CDC42: variants seen among roughly 807,000 people sequenced by gnomAD.
The protein encoded by CDC42 is cell division cycle 42, also known as cell division control protein 42 homolog.
Under a neutral mutation model 20.8 loss-of-function variants are expected in CDC42, and 1 was observed. The observed-to-expected ratio is 0.05, with a 90% CI of 0.02 to 0.23. CDC42 has a LOEUF of 0.23. Among genes scored for constraint, CDC42 ranks in the 10% least tolerant of loss-of-function variants. The pLI, the probability that CDC42 is intolerant of heterozygous loss-of-function variation, is 1.00. For synonymous variants in CDC42, 72 were observed against 84.8 expected (o/e 0.85, Z 0.83); for missense variants, 49 against 227.9 (o/e 0.21, Z 5.05).
intron 2 of CDC42, among the ~76,000 whole-genome samples, chr1:22,079,610 A>G (rs2124010122): frequency 6.6e-6 from 1 of 152,288 alleles, no homozygotes; most frequent in South Asian, 2.1e-4. Context: ...GAGAATTTGA[A>G]GGTATTATTA....
At chr1:22,073,730 T>C (rs1483460409) in intron 1 of CDC42, among the ~76,000 whole-genome samples, 2 of 152,114 alleles carry the variant, frequency 1.3e-5, no homozygotes, top group African/African-American at 4.8e-5. Context: ...GGCACAATCA[T>C]AGCCAACTGC....
In CDC42 at chr1:22,090,530, T is replaced by C. The variant is rs1570046961; in HGVS notation, c.487-898T>C. 2.0e-5 allele frequency: 20 copies of C among 987,630 alleles called. 1 individual carries two copies. In the South Asian group the frequency reaches 8.4e-4, roughly 41 times the overall value. 61.2% of individuals were successfully genotyped at this position (987,630 alleles called of 1,614,324 possible). On this transcript the variant is annotated intron_variant, in intron 5 of 5. Transcript: ENST00000656825. ...GGTTTTCCTTTGTGCGGTGAAACTT[T>C]GTGTTGCTGTTGCTTTGGCTGTCTG...
chr1:22,056,500 T>C (rs1645306115), intron 1 of CDC42, among the ~76,000 whole-genome samples: 1 of 152,252 alleles, frequency 6.6e-6, no homozygotes, highest in African/African-American at 2.4e-5. Flanking sequence ...TTACCGCTTG[T>C]TCACTACTGT....
chr1:22,079,988 A>G (rs1645591858), intron 2 of CDC42, among the ~76,000 whole-genome samples: 1 of 152,206 alleles, frequency 6.6e-6, no homozygotes, highest in South Asian at 2.1e-4. Context: ...AGGCACAAGT[A>G]ATGTTCTCAT....
chr1:22,053,425 C>T (rs1317738177), intron 1 of CDC42: 1 of 152,216 alleles, frequency 6.6e-6, no homozygotes, highest in African/African-American at 2.4e-5. Context: ...GCTGCTCTTC[C>T]TTTCGGAGGT....
intron 1 of CDC42, among the ~76,000 whole-genome samples, chr1:22,073,820 AT>A (rs71797961): frequency 0.74 from 111,039 of 150,138 alleles, 41,168 homozygotes; most frequent in East Asian, 0.88. Flanking sequence ...CACCCAGCTA[AT>A]TTTTTTTTTT....
intron 5 of CDC42, 135 bp downstream of exon 5, chr1:22,087,001 T>C: frequency 1.4e-6 from 1 of 713,890 alleles, no homozygotes. Context: ...CTTCATATTG[T>C]ATGTTCTTTT....
Position 22,093,415 on chromosome 1 carries a change from C to T in CDC42, c.*1898C>T, listed in dbSNP as rs191656662. ...ACACCTAGTTGGTTATCTCAAACTA[C>T]TACTATCAGAATACAGGTTCTGTGC... On this transcript the variant is annotated 3_prime_UTR_variant, in exon 6 of 6. Coordinates refer to ENST00000656825, the MANE Select transcript of CDC42 (RefSeq NM_001791.4). Among the ~76,000 whole-genome samples, 9 of 152,324 alleles carry T rather than the reference C, an allele frequency of 5.9e-5. No individual in the cohort carries two copies. The highest frequency in any genetic ancestry group is 2.6e-4 in the Admixed American group (4 of 15,298).
In CDC42 at chr1:22,095,363, G is replaced by A. The variant is rs543667155; in HGVS notation, c.*3846G>A. On this transcript the variant is annotated 3_prime_UTR_variant, in exon 6 of 6. Transcript: ENST00000656825. ...CGGCTCATTGCAAGCTCCGCCTCCC[G>A]GGTTCACACCATTCTCCTGCCTCAG... Among the ~76,000 whole-genome samples the A allele has an allele frequency of 3.9e-5, 6 of 151,976 alleles. 1 individual carries two copies. The South Asian group carries it at 1.2e-3, about 32-fold the overall frequency.
At chr1:22,082,122 G>A (rs1343709290) in intron 3 of CDC42, among the ~76,000 whole-genome samples, 1 of 152,058 alleles carries the variant, frequency 6.6e-6, no homozygotes, top group Non-Finnish European at 1.5e-5. Context: ...GGTTGGGGAG[G>A]GACTAAGGGA....
chr1:22,090,276 T>C, intron 5 of CDC42: 1 of 1,184,258 alleles, frequency 8.4e-7, no homozygotes, highest in South Asian at 3.1e-5. Context: ...TGCTCAGAGC[T>C]TTTTGGTTTG....
chr1:22,058,364 G>A (rs1476074581), intron 1 of CDC42, among the ~76,000 whole-genome samples: 1 of 152,086 alleles, frequency 6.6e-6, no homozygotes, highest in African/African-American at 2.4e-5. Context: ...TTTATTGCAA[G>A]GATCATAATC....
chr1:22,057,447 C>T (rs1318044259), intron 1 of CDC42, among the ~76,000 whole-genome samples: 1 of 152,168 alleles, frequency 6.6e-6, no homozygotes, highest in Non-Finnish European at 1.5e-5. Context: ...TGCAATGGCG[C>T]GATCTCGGCT....
intron 1 of CDC42, among the ~76,000 whole-genome samples, chr1:22,055,913 TA>T (rs2152825609): frequency 6.7e-6 from 1 of 149,362 alleles, no homozygotes; most frequent in Non-Finnish European, 1.5e-5. Flanking sequence ...ATGAGCACCT[TA>T]GGCTACAGGG....
chr1:22,058,484 A>AT (rs1645327402), intron 1 of CDC42, among the ~76,000 whole-genome samples: 1 of 60,316 alleles, frequency 1.7e-5, no homozygotes, highest in African/African-American at 7.7e-5. Context: ...TGTTATTTAA[A>AT]GTTTTTTTTT....
chr1:22,075,016 T>G (rs1645533427), intron 1 of CDC42, among the ~76,000 whole-genome samples: 1 of 152,186 alleles, frequency 6.6e-6, no homozygotes, highest in South Asian at 2.1e-4. Context: ...CAGAGGGAAC[T>G]TCATTATCAT....
chr1:22,058,907 T>G (rs752785544), intron 1 of CDC42, among the ~76,000 whole-genome samples: 3 of 152,084 alleles, frequency 2.0e-5, no homozygotes, highest in Admixed American at 6.6e-5. Flanking sequence ...CTTGAACTCC[T>G]GGGCTTAAAG....
rs1645769051 is a variant in CDC42 at position 22,098,125 on chromosome 1, T to C, written c.*6608T>C. ...GATTCCTGGACCCTGTAGGATTTAC[T>C]CTCAATCTTTAGGGGTAGAGACTAG... On this transcript the variant is annotated 3_prime_UTR_variant, in exon 6 of 6. Coordinates refer to ENST00000656825, the MANE Select transcript of CDC42 (RefSeq NM_001791.4). Among the ~76,000 whole-genome samples the C allele has an allele frequency of 1.3e-5, 2 of 152,228 alleles. No individual in the cohort carries two copies. Among genetic ancestry groups the C allele is most frequent in the Non-Finnish European group, 2.9e-5 (2 of 68,032 alleles).
Position 22,098,705 on chromosome 1 carries a change from A to G in CDC42, c.*7188A>G, listed in dbSNP as rs769649763. On this transcript the variant is annotated 3_prime_UTR_variant, in exon 6 of 6. Transcript: ENST00000656825. ...ACATGAGATGATTTCTTAAGGTTTT[A>G]TTTGTGTCAGACATGAATTTTAGAG... 2.6e-5 allele frequency among the ~76,000 whole-genome samples: 4 copies of G among 152,102 alleles called. No individual in the cohort carries two copies. The highest frequency in any genetic ancestry group is 5.9e-5 in the Non-Finnish European group (4 of 68,020).
Sources: gnomAD v4.1 joint callset for allele counts (sites outside exome capture counted in the v4.1 genomes callset) on GRCh38, gnomAD v4.1.1 for gene constraint, MANE v1.5 for transcripts, NCBI Gene and HGNC (gene_info 2026-07-23, HGNC 2026-07-21) for gene names.